Variants in RSRC1 observed in about 807,000 individuals in gnomAD.
RSRC1 encodes the protein arginine and serine rich coiled-coil 1, also known as serine/Arginine-related protein 53.
RSRC1 carries 39 observed loss-of-function variants against 49.1 expected under a neutral mutation model. The ratio of observed to expected loss-of-function variants is 0.79; its 90% CI spans 0.61 to 1.04. The LOEUF (loss-of-function observed/expected upper bound fraction) is 1.04. Among genes scored for constraint, RSRC1 ranks in the 50% least tolerant of loss-of-function variants. The probability of loss-of-function intolerance (pLI) is 0.00; values close to 1 mark genes in which losing one functional copy is unlikely to be tolerated. For missense variants in RSRC1, 388 were observed against 402.4 expected (o/e 0.96, Z 0.31); for synonymous variants, 143 against 130.8 (o/e 1.09, Z -0.63).
At chr3:158,217,359 C>T (rs1183725993) in intron 4 of RSRC1, among the ~76,000 whole-genome samples, 2 of 151,634 alleles carry the variant, frequency 1.3e-5, no homozygotes, top group African/African-American at 2.4e-5. Context: ...GGGCTGGTCA[C>T]TTAACATCTC....
chr3:158,181,824 T>C (rs1719637615), intron 3 of RSRC1, among the ~76,000 whole-genome samples: 1 of 152,076 alleles, frequency 6.6e-6, no homozygotes, highest in Non-Finnish European at 1.5e-5. Flanking sequence ...AGGACACAAA[T>C]TGAGAAAGTA....
chr3:158,144,855 A>T (rs897859621), intron 3 of RSRC1, among the ~76,000 whole-genome samples: 6 of 152,176 alleles, frequency 3.9e-5, no homozygotes, highest in African/African-American at 9.6e-5. Flanking sequence ...TATCTCATTG[A>T]GGTTTTGATT....
At chr3:158,373,737 C>T (rs1411449140) in intron 6 of RSRC1, among the ~76,000 whole-genome samples, 1 of 151,866 alleles carries the variant, frequency 6.6e-6, no homozygotes, top group East Asian at 1.9e-4. Context: ...GTCTGTCAAC[C>T]TTGTATTCCC....
At chr3:158,529,228 A>G (rs1469335658) in intron 7 of RSRC1, among the ~76,000 whole-genome samples, 1 of 149,830 alleles carries the variant, frequency 6.7e-6, no homozygotes, top group Non-Finnish European at 1.5e-5. Flanking sequence ...ATATATATAT[A>G]TATATATCCT....
rs1308459666 is a variant in RSRC1 at position 158,253,696 on chromosome 3, TTC to T, written c.495-44337_495-44336del. 3.3e-4 allele frequency among the ~76,000 whole-genome samples: 51 copies of T among 152,252 alleles called. 1 individual carries two copies. The highest frequency in any genetic ancestry group is 2.2e-3 in the Admixed American group (33 of 15,298). ...CTCCGGCTATTGTACTGAAATCTGT[TTC>T]TCTCTTTAGGTCTAATAAAACTTGC... On this transcript the variant is annotated intron_variant, in intron 4 of 9. Transcript: ENST00000611884.
At chr3:158,390,528 T>C (rs1260485975) in intron 6 of RSRC1, among the ~76,000 whole-genome samples, 1 of 152,184 alleles carries the variant, frequency 6.6e-6, no homozygotes, top group African/African-American at 2.4e-5. Context: ...AATAAGTACA[T>C]ATTCCTTTTT....
intron 4 of RSRC1, among the ~76,000 whole-genome samples, chr3:158,216,494 T>A (rs1231337042): frequency 6.6e-6 from 1 of 151,754 alleles, no homozygotes; most frequent in Non-Finnish European, 1.5e-5. Flanking sequence ...GGTTTAGTTA[T>A]TTTGTAGTCT....
At chr3:158,385,658 T>A (rs2108286863) in intron 6 of RSRC1, among the ~76,000 whole-genome samples, 1 of 152,264 alleles carries the variant, frequency 6.6e-6, no homozygotes. Flanking sequence ...AACTGTGCTA[T>A]TTTTTTAAAT....
chr3:158,323,858 C>T (rs1386696726), intron 5 of RSRC1, among the ~76,000 whole-genome samples: 1 of 152,068 alleles, frequency 6.6e-6, no homozygotes, highest in African/African-American at 2.4e-5. Context: ...TTACCTCTTA[C>T]TGGAAATAAG....
At chr3:158,356,765 T>G (rs1053315821) in intron 6 of RSRC1, among the ~76,000 whole-genome samples, 2 of 152,140 alleles carry the variant, frequency 1.3e-5, no homozygotes, top group Non-Finnish European at 2.9e-5. Context: ...AGGAAAATAT[T>G]TATGTTGCTT....
At chr3:158,425,671 T>TAA (rs1735385054) in intron 6 of RSRC1, among the ~76,000 whole-genome samples, 1 of 151,962 alleles carries the variant, frequency 6.6e-6, no homozygotes, top group African/African-American at 2.4e-5. Context: ...CTGTCTAATG[T>TAA]TGACAGTGGG....
intron 4 of RSRC1, among the ~76,000 whole-genome samples, chr3:158,240,901 AAAAT>A (rs1422241420): frequency 6.6e-6 from 1 of 152,200 alleles, no homozygotes; most frequent in Non-Finnish European, 1.5e-5. Context: ...ACAATACAAT[AAAAT>A]AAAATATTTT....
At chr3:158,476,915 G>T (rs371777705) in intron 7 of RSRC1, among the ~76,000 whole-genome samples, 1 of 152,122 alleles carries the variant, frequency 6.6e-6, no homozygotes, top group South Asian at 2.1e-4. Context: ...GAACATTTGT[G>T]ATTTATAGGA....
intron 5 of RSRC1, among the ~76,000 whole-genome samples, chr3:158,342,338 G>A (rs1328621764): frequency 6.6e-6 from 1 of 152,138 alleles, no homozygotes; most frequent in East Asian, 1.9e-4. Flanking sequence ...GCCTGGCGGA[G>A]GTAATTGAAT....
At chr3:158,430,367 G>A (rs1179989976) in intron 6 of RSRC1, among the ~76,000 whole-genome samples, 4 of 151,834 alleles carry the variant, frequency 2.6e-5, no homozygotes, top group Non-Finnish European at 5.9e-5. Context: ...ACTAGCATTC[G>A]ACTGGAGCTG....
At chr3:158,339,811 CAATT>C (rs1167408267) in intron 5 of RSRC1, among the ~76,000 whole-genome samples, 2 of 152,052 alleles carry the variant, frequency 1.3e-5, no homozygotes, top group Non-Finnish European at 2.9e-5. Context: ...GACAACAGAA[CAATT>C]AATTAAACTG....
intron 4 of RSRC1, among the ~76,000 whole-genome samples, chr3:158,259,959 G>A (rs939412905): frequency 6.6e-6 from 1 of 151,970 alleles, no homozygotes; most frequent in African/African-American, 2.4e-5. Context: ...ATGTCTGGGT[G>A]TCTCTCTTCA....
intron 1 of RSRC1, 105 bp downstream of exon 1, chr3:158,110,328 A>T (rs1293530571): frequency 6.6e-6 from 1 of 152,400 alleles, no homozygotes; most frequent in African/African-American, 2.4e-5. Flanking sequence ...TTTGCGGCTC[A>T]GTGTCTGTGG....
intron 4 of RSRC1, among the ~76,000 whole-genome samples, chr3:158,263,097 A>G (rs369002794): frequency 6.6e-6 from 1 of 152,072 alleles, no homozygotes; most frequent in Non-Finnish European, 1.5e-5. Context: ...ATGCCTATCT[A>G]TGTCTTACTT....
Sources: gnomAD v4.1 joint callset for allele counts (sites outside exome capture counted in the v4.1 genomes callset) on GRCh38, gnomAD v4.1.1 for gene constraint, MANE v1.5 for transcripts, NCBI Gene and HGNC (gene_info 2026-07-23, HGNC 2026-07-21) for gene names.